PDZD2: variants seen among roughly 807,000 people sequenced by gnomAD.
The protein encoded by PDZD2 is PDZ domain containing 2.
PDZD2 carries 90 observed loss-of-function variants against 220.7 expected under a neutral mutation model. That is an observed-to-expected ratio of 0.41 (90% CI 0.34 to 0.49). The LOEUF is 0.49. PDZD2 is among the 20% of genes least tolerant of loss of function. The probability of loss-of-function intolerance (pLI) is 0.28; values close to 1 mark genes in which losing one functional copy is unlikely to be tolerated. For synonymous variants in PDZD2, 1,375 were observed against 1,450.5 expected (o/e 0.95, Z 1.18); for missense variants, 3,174 against 3,608.5 (o/e 0.88, Z 3.08).
intron 1 of PDZD2, among the ~76,000 whole-genome samples, chr5:31,648,302 T>C (rs1745210242): frequency 6.6e-6 from 1 of 152,154 alleles, no homozygotes; most frequent in Admixed American, 6.5e-5. Context: ...GGGGGCGTTA[T>C]AGGGATCTCT....
intron 1 of PDZD2, among the ~76,000 whole-genome samples, chr5:31,732,530 A>T (rs1443604988): frequency 2.0e-5 from 3 of 152,176 alleles, no homozygotes; most frequent in Non-Finnish European, 4.4e-5. Flanking sequence ...GAGGCCAAAA[A>T]ACATGGCAGG....
intron 1 of PDZD2, among the ~76,000 whole-genome samples, chr5:31,740,735 A>G (rs1304169927): frequency 6.6e-6 from 1 of 152,106 alleles, no homozygotes; most frequent in African/African-American, 2.4e-5. Flanking sequence ...GGGCAAGAAC[A>G]AGATGAATTT....
intron 1 of PDZD2, among the ~76,000 whole-genome samples, chr5:31,689,295 A>ATG (rs1747003288): frequency 7.1e-6 from 1 of 140,004 alleles, no homozygotes; most frequent in Non-Finnish European, 1.5e-5. Flanking sequence ...ACATACATAT[A>ATG]CATATACACA....
Position 31,799,029 on chromosome 5 carries a change from A to C in PDZD2, c.-220A>C. On this transcript the variant is annotated 5_prime_UTR_variant, in exon 2 of 25. Coordinates refer to ENST00000438447, the MANE Select transcript of PDZD2 (RefSeq NM_178140.4). ...CCTTCCTTCCCTCATTGAGCACTCC[A>C]GTGCCATTGTTCCACAGTTGTTCTA... 1 of 562,298 alleles carries C rather than the reference A, an allele frequency of 1.8e-6. No homozygotes were observed. The highest frequency in any genetic ancestry group is 3.2e-6 in the Non-Finnish European group (1 of 315,852). The allele number at this position is 562,298 out of a possible 1,614,324, so 34.8% of individuals were successfully genotyped here.
At chr5:31,702,595 CT>C (rs1228782434) in intron 1 of PDZD2, among the ~76,000 whole-genome samples, 1 of 152,218 alleles carries the variant, frequency 6.6e-6, no homozygotes, top group Non-Finnish European at 1.5e-5. Context: ...CTGATCTTCT[CT>C]CTTTTCTTTG....
rs1561638799 is a variant in PDZD2 at position 32,110,749 on chromosome 5, A to ATATT, written c.*2615_*2618dup. 2 of 152,772 alleles carry ATATT rather than the reference A, an allele frequency of 1.3e-5. No homozygotes were observed. The highest frequency in any genetic ancestry group is 2.1e-4 in the South Asian group (1 of 4,830). The allele number at this position is 152,772 out of a possible 1,614,324, so 9.5% of individuals were successfully genotyped here. ...TTAATTGGCACCATAACTTTGTATG[A>ATATT]TATTATACATTAACCTTTATTTATG... On this transcript the variant is annotated 3_prime_UTR_variant, in exon 25 of 25. Transcript: ENST00000438447.
intron 2 of PDZD2, among the ~76,000 whole-genome samples, chr5:31,874,446 A>G (rs1395906368): frequency 1.3e-5 from 2 of 152,226 alleles, no homozygotes; most frequent in African/African-American, 4.8e-5. Context: ...ATGCATTTTT[A>G]GAATTCTTTT....
At chr5:32,034,325 T>A (rs1204563404) in intron 6 of PDZD2, among the ~76,000 whole-genome samples, 1 of 151,650 alleles carries the variant, frequency 6.6e-6, no homozygotes, top group Non-Finnish European at 1.5e-5. Flanking sequence ...ATAGCCTGGG[T>A]CAGGTGGTAT....
At chr5:31,755,567 G>A (rs187722994) in intron 1 of PDZD2, among the ~76,000 whole-genome samples, 4 of 151,354 alleles carry the variant, frequency 2.6e-5, no homozygotes, top group South Asian at 2.1e-4. Context: ...ATCAGTAAAC[G>A]TTAGCTATCT....
chr5:31,860,267 A>G (rs1453513575), intron 2 of PDZD2, among the ~76,000 whole-genome samples: 1 of 152,058 alleles, frequency 6.6e-6, no homozygotes, highest in African/African-American at 2.4e-5. Flanking sequence ...TTCACTTGGT[A>G]CCTAGGGCCA....
chr5:32,076,156 TGCACCTGTAATCCCA>T (rs1328340934), intron 18 of PDZD2, among the ~76,000 whole-genome samples: 3 of 151,960 alleles, frequency 2.0e-5, no homozygotes, highest in Non-Finnish European at 4.4e-5. Flanking sequence ...TGTGGTGGTG[TGCACCTGTAATCCCA>T]GCTACTCGGG....
chr5:31,885,954 A>T (rs1159390863), intron 2 of PDZD2, among the ~76,000 whole-genome samples: 2 of 151,698 alleles, frequency 1.3e-5, no homozygotes, highest in Non-Finnish European at 2.9e-5. Context: ...CTTTTTCTCC[A>T]GGCTGGAGTG....
At chr5:31,659,892 G>C (rs925233309) in intron 1 of PDZD2, among the ~76,000 whole-genome samples, 1 of 152,176 alleles carries the variant, frequency 6.6e-6, no homozygotes, top group African/African-American at 2.4e-5. Flanking sequence ...TACCAACTTT[G>C]AGGTTTAATT....
chr5:31,983,184 G>A lies in PDZD2; in HGVS notation c.506G>A (p.Gly169Asp). ...SYLAEQCWNGGFIYLIMLRRF... is the reference protein window; with the variant it reads ...SYLAEQCWNGDFIYLIMLRRF... The stretch of plus-strand genomic sequence containing the variant: ...CTGGCTGAGCAGTGCTGGAATGGCG[G>A]CTTTATCTACCTGATCATGCTGCGT... The change falls in exon 3 of 25, where the codon GGC becomes GAC. Residue 169 changes from glycine (G) to aspartate (D), a missense_variant. Transcript: ENST00000438447. The A allele has an allele frequency of 6.2e-7, 1 of 1,614,062 alleles. No homozygotes were observed. The highest frequency in any genetic ancestry group is 8.5e-7 in the Non-Finnish European group (1 of 1,179,960).
intron 1 of PDZD2, among the ~76,000 whole-genome samples, chr5:31,791,029 T>C (rs549221813): frequency 1.3e-5 from 2 of 152,188 alleles, no homozygotes; most frequent in South Asian, 4.1e-4. Flanking sequence ...CTACTTAATG[T>C]ATGCTGCTGA....
At chr5:32,060,949 G>C in intron 13 of PDZD2, 53 bp from the exon 14 acceptor site, 2 of 1,596,646 alleles carry the variant, frequency 1.3e-6, no homozygotes, top group Non-Finnish European at 8.6e-7. Context: ...GGCTATTTTA[G>C]CTTTAAGAAG....
intron 1 of PDZD2, among the ~76,000 whole-genome samples, chr5:31,652,239 C>T (rs1314939362): frequency 8.5e-5 from 13 of 152,130 alleles, no homozygotes; most frequent in East Asian, 5.8e-4. Context: ...GTGATCCTTC[C>T]GCCTTGGCTT....
At chr5:31,905,237 G>A (rs1383161434) in intron 2 of PDZD2, among the ~76,000 whole-genome samples, 1 of 152,158 alleles carries the variant, frequency 6.6e-6, no homozygotes, top group Non-Finnish European at 1.5e-5. Flanking sequence ...GCCCTCCTCA[G>A]CCTCCCAAAG....
At position 32,091,294 on chromosome 5, in the gene PDZD2, T is replaced by G. The variant is rs1192765793; in HGVS notation, c.7727+119T>G. ...TTCCCACTTACTTTTTTTTTTTTTT[T>G]TTTTTTTTGAGATGGAGCATCGCTC... On this transcript the variant is annotated intron_variant, in intron 20 of 24. Coordinates refer to ENST00000438447, the MANE Select transcript of PDZD2 (RefSeq NM_178140.4). 4 of 837,916 alleles carry G rather than the reference T, an allele frequency of 4.8e-6. No homozygotes were observed. The Admixed American group carries it at 1.4e-4, about 29-fold the overall frequency. The allele number at this position is 837,916 out of a possible 1,614,324, so 51.9% of individuals were successfully genotyped here.
Sources: gnomAD v4.1 joint callset for allele counts (sites outside exome capture counted in the v4.1 genomes callset) on GRCh38, gnomAD v4.1.1 for gene constraint, MANE v1.5 for transcripts, NCBI Gene and HGNC (gene_info 2026-07-23, HGNC 2026-07-21) for gene names.